CCDC17: variants seen among roughly 807,000 people sequenced by gnomAD.
The protein encoded by CCDC17 is coiled-coil domain containing 17, also known as coiled-coil domain-containing protein 17.
In CCDC17, 79 loss-of-function variants were observed where a neutral mutation model predicts 68.0. The ratio of observed to expected loss-of-function variants is 1.16; its 90% CI spans 0.97 to 1.40. The LOEUF is 1.40. CCDC17 is among the 40% of genes most tolerant of loss of function. The pLI, the probability that CCDC17 is intolerant of heterozygous loss-of-function variation, is 0.00. For missense variants in CCDC17, 846 were observed against 811.5 expected, an observed-to-expected ratio of 1.04 and a Z score of -0.52; for synonymous variants, 376 against 337.5, an observed-to-expected ratio of 1.11 and a Z score of -1.25.
At position 45,621,969 on chromosome 1, in the gene CCDC17, C is replaced by G. The variant is rs759369421; in HGVS notation, c.994G>C (p.Asp332His). 1 of 1,609,762 alleles carries G rather than the reference C, an allele frequency of 6.2e-7. No individual in the cohort carries two copies. Among genetic ancestry groups the G allele is most frequent in the East Asian group, 2.2e-5 (1 of 44,742 alleles). The change falls in exon 8 of 13, where the codon GAT (aspartate) becomes CAT (histidine). Residue 332 changes from aspartate (D) to histidine (H), a missense_variant. Coordinates refer to ENST00000528266, the MANE Select transcript of CCDC17 (RefSeq NM_001114938.3). ...CTCCCCTTCGGTTGTAGGCTGGCAT[C>G]CCCCAGGAGTCGCAGATCCTGGGGC... Reference protein sequence around the residue: ...LGPQDLRLLGDASLQPKGRRD... With the variant: ...LGPQDLRLLGHASLQPKGRRD...
intron 3 of CCDC17, 29 bp from the exon 4 acceptor site, chr1:45,623,146 G>T: frequency 6.5e-7 from 1 of 1,539,090 alleles, no homozygotes; most frequent in East Asian, 2.4e-5. Context: ...AGTCAGAACC[G>T]GCCCGAGCAA....
Position 45,620,811 on chromosome 1 carries a change from A to G in CCDC17, c.1622T>C (p.Leu541Pro). 1.2e-6 allele frequency: 2 copies of G among 1,611,602 alleles called. No homozygotes were observed. Among genetic ancestry groups the G allele is most frequent in the Non-Finnish European group, 1.7e-6 (2 of 1,178,886 alleles). Reference protein sequence around the residue: ...IPQAGQAELFLRLVNARDAAV... With the variant: ...IPQAGQAELFPRLVNARDAAV... ...TGCATCTCTTGCATTCACCAGCCGC[A>G]GAAAGAGCTCAGCCTGACCTGCCTG... Residue 541 changes from leucine to proline, a missense_variant, in exon 12 of 13, where the codon CTG becomes CCG. Leu to Pro is a moderately conservative substitution (Grantham distance 98). Coordinates refer to ENST00000528266, the MANE Select transcript of CCDC17 (RefSeq NM_001114938.3).
chr1:45,621,540 C>T (rs1279567308), intron 9 of CCDC17, 56 bp from the exon 10 acceptor site: 21 of 1,573,504 alleles, frequency 1.3e-5, no homozygotes, highest in Non-Finnish European at 1.7e-5. Context: ...CCTCCCTCCT[C>T]TCAGGCAGGT....
intron 10 of CCDC17, 80 bp downstream of exon 10, chr1:45,621,201 A>T (rs1336862511): frequency 6.5e-7 from 1 of 1,550,284 alleles, no homozygotes; most frequent in African/African-American, 1.4e-5. Flanking sequence ...GCCTCTGTAT[A>T]CAGATGAGAA....
intron 1 of CCDC17, 38 bp from the exon 2 acceptor site, chr1:45,623,690 G>A (rs1182990713): frequency 6.4e-7 from 1 of 1,551,534 alleles, no homozygotes; most frequent in Non-Finnish European, 8.7e-7. Flanking sequence ...AATCATAAAG[G>A]TCCTGGCTCC....
rs761190129 is a variant in CCDC17 at position 45,620,988 on chromosome 1, AC to A, written c.1513del (p.Val505CysfsTer2). On this transcript the variant is annotated frameshift_variant, in exon 11 of 13. Coordinates refer to ENST00000528266, the MANE Select transcript of CCDC17 (RefSeq NM_001114938.3). LOFTEE classifies it high-confidence loss of function. ...SLGLFDQDQRVLSGRWRLPLR... is the reference protein window; with the variant it reads ...SLGLFDQDQRXLSGRWRLPLR... Reference sequence around the variant, plus strand: ...TGGGAGGCGCCAGCGGCCACTTAGCACCCGCTGATCTTGGTCAAATAGTCCA... The same window carrying A: ...TGGGAGGCGCCAGCGGCCACTTAGCACCGCTGATCTTGGTCAAATAGTCCA... The A allele has an allele frequency of 3.1e-6, 5 of 1,613,700 alleles. No individual in the cohort carries two copies. In the East Asian group the frequency reaches 1.1e-4, roughly 36 times the overall value.
Position 45,622,749 on chromosome 1 carries a change from AC to A in CCDC17, c.740+1del, listed in dbSNP as rs747469953. Reference sequence around the variant, plus strand: ...ATGCCCATCTCCGGCCCCGGCTCTCACCGGATTTCGGCAGCCAGAGTTCCCG... The same window carrying A: ...ATGCCCATCTCCGGCCCCGGCTCTCACGGATTTCGGCAGCCAGAGTTCCCG... On this transcript the variant is annotated splice_donor_variant, in intron 5 of 12. Coordinates refer to ENST00000528266, the MANE Select transcript of CCDC17 (RefSeq NM_001114938.3). LOFTEE classifies it high-confidence loss of function. 1.3e-6 allele frequency: 2 copies of A among 1,588,106 alleles called. No homozygotes were observed. The highest frequency in any genetic ancestry group is 2.7e-5 in the African/African-American group (2 of 74,454).
At position 45,621,217 on chromosome 1, in the gene CCDC17, A is replaced by G; in HGVS notation, c.1388+64T>C. The G allele has an allele frequency of 1.3e-6, 2 of 1,543,264 alleles. 1 individual carries two copies. The highest frequency in any genetic ancestry group is 2.4e-5 in the South Asian group (2 of 83,632). On this transcript the variant is annotated intron_variant, in intron 10 of 12. Coordinates refer to ENST00000528266, the MANE Select transcript of CCDC17 (RefSeq NM_001114938.3). ...CCTCTGTATACAGATGAGAAAACTT[A>G]GCAGAATGGTGGATAAGCCTCAACT...
chr1:45,620,552 G>A, intron 12 of CCDC17, 119 bp from the exon 13 acceptor site: 3 of 1,469,176 alleles, frequency 2.0e-6, no homozygotes, highest in South Asian at 2.8e-5. Flanking sequence ...ACCTGCTCCT[G>A]CTTTGATTTC....
intron 12 of CCDC17, 68 bp downstream of exon 12, chr1:45,620,655 G>A (rs1291446598): frequency 6.5e-7 from 1 of 1,549,148 alleles, no homozygotes; most frequent in Non-Finnish European, 8.7e-7. Context: ...ATAAAGGCTG[G>A]CCGTTAGCCA....
rs1439983407 is a variant in CCDC17 at position 45,623,459 on chromosome 1, G to A, written c.271-20C>T. ...CTGCACCTGGAGGTAACAGCGATCC[G>A]CGATCTCTGCGTGGGCAGAATCTGT... On this transcript the variant is annotated intron_variant, in intron 2 of 12. Transcript: ENST00000528266. 6.5e-7 allele frequency: 1 copy of A among 1,549,776 alleles called. No individual in the cohort carries two copies. The highest frequency in any genetic ancestry group is 8.7e-7 in the Non-Finnish European group (1 of 1,146,456).
chr1:45,621,352 G>C lies in CCDC17; in HGVS notation c.1317C>G (p.Cys439Trp). The change falls in exon 10 of 13, where the codon TGC becomes TGG. Residue 439 changes from cysteine to tryptophan, a missense_variant. Physicochemically the swap from Cys to Trp is radical, Grantham distance 215. Transcript: ENST00000528266. Reference protein sequence around the residue: ...GRTTALPPALCLPPPPAPGPM... With the variant: ...GRTTALPPALWLPPPPAPGPM... Reference sequence around the variant, plus strand: ...GCCCGGGAGCAGGAGGTGGGGGCAGGCAAAGGGCTGGGGGCAACGCTGTGG... The same window carrying C: ...GCCCGGGAGCAGGAGGTGGGGGCAGCCAAAGGGCTGGGGGCAACGCTGTGG... The C allele has an allele frequency of 6.3e-7, 1 of 1,590,170 alleles. No individual in the cohort carries two copies. The highest frequency in any genetic ancestry group is 8.6e-7 in the Non-Finnish European group (1 of 1,168,326).
intron 8 of CCDC17, 48 bp downstream of exon 8, chr1:45,621,829 C>A (rs762011546): frequency 6.3e-6 from 10 of 1,592,678 alleles, no homozygotes; most frequent in South Asian, 1.1e-5. Context: ...CCTGTTCCCC[C>A]AACCCACCCC....
chr1:45,623,427 G>C lies in CCDC17; in HGVS notation c.283C>G (p.Arg95Gly), dbSNP rs996294525. 1.9e-6 allele frequency: 3 copies of C among 1,550,400 alleles called. No homozygotes were observed. Among genetic ancestry groups the C allele is most frequent in the Non-Finnish European group, 2.6e-6 (3 of 1,146,934 alleles). The change falls in exon 3 of 13, where the codon CGG (arginine) becomes GGG (glycine). Residue 95 changes from arginine (R) to glycine (G), a missense_variant. Coordinates refer to ENST00000528266, the MANE Select transcript of CCDC17 (RefSeq NM_001114938.3). ...GGCCGCATTTCCTGTAGGGATAGCC[G>C]CAGCCACTGCACCTGGAGGTAACAG... ...KRLTEEVQWL[R>G]LSLQEMRPWI...
rs747389181 is a variant in CCDC17 at position 45,621,898 on chromosome 1, T to C, written c.1065A>G (p.Pro355=). Reference sequence around the variant, plus strand: ...GAACCTCCGAGAAGCCTGGAAGTGGTGGCAGCGGTGGTGCCACCGGTGGCG... The same window carrying C: ...GAACCTCCGAGAAGCCTGGAAGTGGCGGCAGCGGTGGTGCCACCGGTGGCG... ...LLPPPVAPPL[P]PLPGFSEPQL... The change falls in exon 8 of 13, where the codon CCA becomes CCG. Residue 355 remains proline, a synonymous_variant. Transcript: ENST00000528266. 1.3e-5 allele frequency: 21 copies of C among 1,601,400 alleles called. No homozygotes were observed. The Admixed American group carries it at 3.5e-4, about 26-fold the overall frequency.
Position 45,622,955 on chromosome 1 carries a change from C to T in CCDC17, c.656G>A (p.Gly219Glu). Residue 219 changes from glycine (G) to glutamate (E), a missense_variant and splice_region_variant, in exon 4 of 13, where the codon GGG becomes GAG. Coordinates refer to ENST00000528266, the MANE Select transcript of CCDC17 (RefSeq NM_001114938.3). ...GGGGATCCGCTTAGTCGGGTCTCACCCTGGCTCCGCCTGCAGCTCCTGAAT... is the reference window on the plus strand; with the variant it reads ...GGGGATCCGCTTAGTCGGGTCTCACTCTGGCTCCGCCTGCAGCTCCTGAAT... ...ARIQELQAEP[G>E]NPLSSRREAE... 1 of 1,597,322 alleles carries T rather than the reference C, an allele frequency of 6.3e-7. No homozygotes were observed. Among genetic ancestry groups the T allele is most frequent in the Non-Finnish European group, 8.5e-7 (1 of 1,170,956 alleles).
At chr1:45,620,870 G>C in intron 11 of CCDC17, 33 bp downstream of exon 11, 1 of 1,611,152 alleles carries the variant, frequency 6.2e-7, no homozygotes, top group Non-Finnish European at 8.5e-7. Flanking sequence ...CTTGTACTTT[G>C]CTGTATGCCC....
chr1:45,623,738 C>A lies in CCDC17; in HGVS notation c.172G>T (p.Ala58Ser). 1.3e-6 allele frequency: 2 copies of A among 1,550,758 alleles called. No homozygotes were observed. The highest frequency in any genetic ancestry group is 2.4e-5 in the South Asian group (2 of 83,972). ...CCCATGGCCATGGAGGCCCTTACCG[C>A]GGCCCGCTGGGGTTCAGTGGCAACT... ...ASVATEPQRA[A>S]VVPQEHQGVP... is the part of the protein sequence containing the mutation. The change falls in exon 1 of 13, where the codon GCG becomes TCG. Residue 58 changes from alanine (A) to serine (S), a missense_variant and splice_region_variant. By Grantham distance (99) the Ala-to-Ser change is moderately conservative. Transcript: ENST00000528266.
rs1355524555 is a variant in CCDC17, at chr1:45,621,625, G to T, written c.1184+13C>A. On this transcript the variant is annotated intron_variant, in intron 9 of 12. Coordinates refer to ENST00000528266, the MANE Select transcript of CCDC17 (RefSeq NM_001114938.3). ...CAAGTCACAGAGGCTGTCGAAGGTG[G>T]CACGGGCCTCACCCAGGATCATAGG... 1 of 1,612,226 alleles carries T rather than the reference G, an allele frequency of 6.2e-7. No individual in the cohort carries two copies. The highest frequency in any genetic ancestry group is 8.5e-7 in the Non-Finnish European group (1 of 1,179,094).
Sources: allele counts gnomAD v4.1 joint callset, GRCh38; gene constraint gnomAD v4.1.1; transcripts MANE v1.5; gene names NCBI Gene and HGNC (gene_info 2026-07-23, HGNC 2026-07-21).